NCOA3: variants seen among roughly 807,000 people sequenced by gnomAD.
The protein encoded by NCOA3 is nuclear receptor coactivator 3, also known as CBP-interacting protein.
A neutral mutation model predicts 158.8 loss-of-function variants in NCOA3; 51 were observed. The observed-to-expected ratio is 0.32, with a 90% CI of 0.26 to 0.41. The LOEUF (loss-of-function observed/expected upper bound fraction) is 0.41, where lower values mean the gene tolerates loss of function less well. Among genes scored for constraint, NCOA3 ranks in the 10% least tolerant of loss-of-function variants. The probability of loss-of-function intolerance (pLI) is 1.00; values close to 1 mark genes in which losing one functional copy is unlikely to be tolerated. For synonymous variants in NCOA3, 537 were observed against 592.4 expected, an observed-to-expected ratio of 0.91 and a Z score of 1.36; for missense variants, 1,510 against 1,746.6, an observed-to-expected ratio of 0.86 and a Z score of 2.41.
At chr20:47,569,776 C>G (rs1187842688) in intron 1 of NCOA3, among the ~76,000 whole-genome samples, 2 of 151,922 alleles carry the variant, frequency 1.3e-5, no homozygotes, top group East Asian at 3.9e-4. Flanking sequence ...TTTGGGAGGC[C>G]GAGGAGGGCG....
Position 47,556,604 on chromosome 20 carries a change from C to T in NCOA3, c.-98-26579C>T, listed in dbSNP as rs548512243. Among the ~76,000 whole-genome samples the T allele has an allele frequency of 4.6e-3, 695 of 152,174 alleles. 15 individuals carry two copies. The highest frequency in any genetic ancestry group is 0.043 in the South Asian group (205 of 4,806). On this transcript the variant is annotated intron_variant, in intron 1 of 22. Coordinates refer to ENST00000371998, the MANE Select transcript of NCOA3 (RefSeq NM_181659.3). ...GTGGTGTGATCTCAGCTCACTGCAA[C>T]CTCCGCCTCCTGGGTGCAAGTGATT...
At chr20:47,512,985 G>A (rs1000518622) in intron 1 of NCOA3, among the ~76,000 whole-genome samples, 1 of 151,866 alleles carries the variant, frequency 6.6e-6, no homozygotes, top group African/African-American at 2.4e-5. Flanking sequence ...GGCAAAACCT[G>A]GTCTCTACTA....
Position 47,578,331 on chromosome 20 carries a change from G to A in NCOA3, c.-98-4852G>A, listed in dbSNP as rs963451124. ...CTCCCGAGTAGCTGGAACTACAGGC[G>A]CCCACCACCACACCCAGCTACTTTT... On this transcript the variant is annotated intron_variant, in intron 1 of 22. Transcript: ENST00000371998. Among the ~76,000 whole-genome samples the A allele has an allele frequency of 3.9e-5, 6 of 151,976 alleles. No individual in the cohort carries two copies. In the East Asian group the frequency reaches 9.7e-4, roughly 24 times the overall value.
chr20:47,576,583 T>TTG (rs1302098333), intron 1 of NCOA3, among the ~76,000 whole-genome samples: 2 of 152,170 alleles, frequency 1.3e-5, no homozygotes, highest in African/African-American at 2.4e-5. Flanking sequence ...CTTGAACTTA[T>TTG]TGTGTTCTTT....
At chr20:47,540,545 C>T (rs2084706766) in intron 1 of NCOA3, among the ~76,000 whole-genome samples, 1 of 148,168 alleles carries the variant, frequency 6.7e-6, no homozygotes, top group Non-Finnish European at 1.5e-5. Flanking sequence ...GTACTGCAGC[C>T]TGGGCAACAA....
chr20:47,608,316 C>CA (rs2085981022), intron 2 of NCOA3, among the ~76,000 whole-genome samples: 1 of 151,490 alleles, frequency 6.6e-6, no homozygotes, highest in South Asian at 2.1e-4. Context: ...AACTCCATCT[C>CA]AAAAAACAAA....
At chr20:47,653,368 ATTTTTTTTTTT>A (rs545375540) in intron 22 of NCOA3, 27 bp from the exon 23 acceptor site, 44 of 1,390,068 alleles carry the variant, frequency 3.2e-5, no homozygotes, top group Middle Eastern at 3.8e-4. Context: ...TGTTTTACTC[ATTTTTTTTTTT>A]TTTTTTTTTT....
intron 2 of NCOA3, among the ~76,000 whole-genome samples, chr20:47,591,737 C>G (rs1351605205): frequency 6.7e-6 from 1 of 148,294 alleles, no homozygotes; most frequent in Non-Finnish European, 1.5e-5. Flanking sequence ...GTGTTGTAAC[C>G]TCCTCCCCTT....
chr20:47,619,996 A>G (rs1181372642), intron 2 of NCOA3, among the ~76,000 whole-genome samples: 1 of 152,084 alleles, frequency 6.6e-6, no homozygotes, highest in Non-Finnish European at 1.5e-5. Flanking sequence ...GGGTTTCACC[A>G]TATTGGCCAG....
intron 16 of NCOA3, 72 bp from the exon 17 acceptor site, chr20:47,642,141 A>C: frequency 1.8e-6 from 2 of 1,118,340 alleles, no homozygotes; most frequent in Non-Finnish European, 2.5e-6. Flanking sequence ...AATACTATGC[A>C]TGGTTGCTGT....
intron 2 of NCOA3, among the ~76,000 whole-genome samples, chr20:47,614,315 T>G (rs957904491): frequency 6.6e-6 from 1 of 152,260 alleles, no homozygotes; most frequent in African/African-American, 2.4e-5. Context: ...ATTAGGAATT[T>G]GAGAATTTGG....
intron 2 of NCOA3, among the ~76,000 whole-genome samples, chr20:47,603,164 T>G (rs544210311): frequency 2.6e-5 from 4 of 152,370 alleles, no homozygotes; most frequent in African/African-American, 7.2e-5. Context: ...AAAACTTCAT[T>G]TGAAGATCTT....
chr20:47,597,598 C>A (rs1215733677), intron 2 of NCOA3, among the ~76,000 whole-genome samples: 1 of 151,536 alleles, frequency 6.6e-6, no homozygotes, highest in Non-Finnish European at 1.5e-5. Context: ...ATGCCATTCT[C>A]CTGCCTCAGC....
chr20:47,651,327 C>T (rs1463037062), intron 20 of NCOA3, 51 bp downstream of exon 20: 4 of 1,547,090 alleles, frequency 2.6e-6, no homozygotes, highest in Non-Finnish European at 3.5e-6. Flanking sequence ...TTACTAAGGA[C>T]ATAAGCTTCA....
intron 2 of NCOA3, among the ~76,000 whole-genome samples, chr20:47,617,188 TCAGGTGATCCA>T (rs2086153945): frequency 2.6e-5 from 4 of 152,334 alleles, no homozygotes; most frequent in African/African-American, 9.6e-5. Context: ...ACTCCTGACC[TCAGGTGATCCA>T]CCCGCCTCGG....
At chr20:47,590,410 TC>T (rs1170931624) in intron 2 of NCOA3, among the ~76,000 whole-genome samples, 1 of 152,104 alleles carries the variant, frequency 6.6e-6, no homozygotes, top group Non-Finnish European at 1.5e-5. Flanking sequence ...AATCTTGAAT[TC>T]CTGGACTCAA....
chr20:47,648,488 A>AT (rs2086728636), intron 18 of NCOA3, among the ~76,000 whole-genome samples: 1 of 151,774 alleles, frequency 6.6e-6, no homozygotes, highest in African/African-American at 2.4e-5. Context: ...TTATTTATTT[A>AT]TTATTATTTT....
intron 17 of NCOA3, among the ~76,000 whole-genome samples, chr20:47,645,946 C>T (rs147611204): frequency 3.9e-4 from 60 of 152,184 alleles, no homozygotes; most frequent in Non-Finnish European, 7.5e-4. Context: ...GGTGGTCACA[C>T]GTGTTTACTC....
chr20:47,581,231 C>T (rs1442413611), intron 1 of NCOA3, among the ~76,000 whole-genome samples: 2 of 151,964 alleles, frequency 1.3e-5, no homozygotes, highest in Non-Finnish European at 2.9e-5. Flanking sequence ...GTTTCTTCCC[C>T]TAGATATCTC....
Sources: allele counts gnomAD v4.1 joint callset (sites outside exome capture counted in the v4.1 genomes callset), GRCh38; gene constraint gnomAD v4.1.1; transcripts MANE v1.5; gene names NCBI Gene and HGNC (gene_info 2026-07-23, HGNC 2026-07-21).